ASIC2: variants seen among roughly 807,000 people sequenced by gnomAD.
ASIC2 encodes acid sensing ion channel subunit 2.
In ASIC2, 25 loss-of-function variants were observed where a neutral mutation model predicts 57.3. That is an observed-to-expected ratio of 0.44 (90% CI 0.32 to 0.61). The LOEUF (loss-of-function observed/expected upper bound fraction) is 0.61. ASIC2 is among the 20% of genes least tolerant of loss of function. The pLI, the probability that ASIC2 is intolerant of heterozygous loss-of-function variation, is 0.06. For synonymous variants in ASIC2, 319 were observed against 307.5 expected (o/e 1.04, Z -0.39); for missense variants, 641 against 738.1 (o/e 0.87, Z 1.52).
intron 1 of ASIC2, among the ~76,000 whole-genome samples, chr17:33,512,682 C>A (rs898825983): frequency 1.3e-5 from 2 of 152,230 alleles, no homozygotes; most frequent in African/African-American, 4.8e-5. Context: ...CTGCTCCAGG[C>A]TGCCTTCAGT....
At chr17:34,066,347 C>A (rs1410554657) in intron 1 of ASIC2, among the ~76,000 whole-genome samples, 2 of 152,186 alleles carry the variant, frequency 1.3e-5, no homozygotes, top group African/African-American at 4.8e-5. Context: ...TTAGAACCAC[C>A]TGGGGAGTTC....
upstream of ASIC2, among the ~76,000 whole-genome samples, chr17:33,294,898 C>T (rs1905662539): frequency 6.6e-6 from 1 of 150,994 alleles, no homozygotes; most frequent in Non-Finnish European, 1.5e-5. Flanking sequence ...GCCTGCTGTA[C>T]TGGGGCCTCT....
chr17:33,725,391 C>T (rs1909514755), intron 1 of ASIC2, among the ~76,000 whole-genome samples: 1 of 152,140 alleles, frequency 6.6e-6, no homozygotes, highest in African/African-American at 2.4e-5. Flanking sequence ...GGGACTTAGT[C>T]CGAGTTGTCC....
At position 33,263,810 on chromosome 17, in the gene ASIC2, A is replaced by C. The variant is rs115878954; in HGVS notation, c.708+27598T>G. On this transcript the variant is annotated intron_variant, in intron 1 of 9. Coordinates refer to ENST00000225823, the MANE Select transcript of ASIC2 (RefSeq NM_183377.2). ...ATTCTGCTTACAAGAAGAATTCCTA[A>C]AGCATGGTGCCCGGTTCCTCTCCAT... Among the ~76,000 whole-genome samples, 565 of 152,322 alleles carry C rather than the reference A, an allele frequency of 3.7e-3. 3 individuals are homozygous for C. Among genetic ancestry groups the C allele is most frequent in the African/African-American group, 0.013 (540 of 41,578 alleles).
chr17:33,949,983 T>A (rs1414360660), intron 1 of ASIC2, among the ~76,000 whole-genome samples: 1 of 152,228 alleles, frequency 6.6e-6, no homozygotes, highest in African/African-American at 2.4e-5. Context: ...CAGATCCTGA[T>A]CCTTGGTAGG....
In ASIC2 at chr17:33,387,453, G is replaced by A. The variant is rs141287035; in HGVS notation, c.556-275386C>T. ...GTTAGTCCTGTACCAACAGAGAAAT[G>A]GTTAGGACCTTTATCATTTTTCTCT... On this transcript the variant is annotated intron_variant, in intron 1 of 9. Coordinates refer to the ASIC2 transcript ENST00000359872. Among the ~76,000 whole-genome samples the A allele has an allele frequency of 4.8e-4, 73 of 152,316 alleles. No homozygotes were observed. In the East Asian group the frequency reaches 0.013, roughly 27 times the overall value.
chr17:33,337,302 C>A (rs959090927), intron 1 of ASIC2, among the ~76,000 whole-genome samples: 2 of 152,202 alleles, frequency 1.3e-5, no homozygotes, highest in Non-Finnish European at 2.9e-5. Flanking sequence ...CCTGCCTGAG[C>A]CACTTTATAT....
In ASIC2 at chr17:33,013,814, C is replaced by T. The variant is rs183775673; in HGVS notation, c.*151G>A. ...TGCGTCGTGTTGGACGTGGCCGGAG[C>T]GAGGTCTAGGCAGCTAGTCTGCAAT... On this transcript the variant is annotated 3_prime_UTR_variant, in exon 10 of 10. Coordinates refer to ENST00000225823, the MANE Select transcript of ASIC2 (RefSeq NM_183377.2). 1,965 of 688,350 alleles carry T rather than the reference C, an allele frequency of 2.9e-3. 14 individuals carry two copies. The highest frequency in any genetic ancestry group is 2.4e-3 in the Middle Eastern group (6 of 2,506). The allele number at this position is 688,350 out of a possible 1,614,324, so 42.6% of individuals were successfully genotyped here.
At chr17:33,209,574 C>T (rs1907196142) in intron 1 of ASIC2, among the ~76,000 whole-genome samples, 1 of 152,216 alleles carries the variant, frequency 6.6e-6, no homozygotes. Context: ...AAAAATGTCT[C>T]CAGGCACTGC....
intron 1 of ASIC2, among the ~76,000 whole-genome samples, chr17:33,556,146 G>A (rs1915900314): frequency 6.6e-6 from 1 of 152,212 alleles, no homozygotes; most frequent in Admixed American, 6.5e-5. Flanking sequence ...GTAAAGGTCA[G>A]AGCCAGAGAT....
chr17:33,439,354 C>T (rs985142083), intron 1 of ASIC2, among the ~76,000 whole-genome samples: 27 of 151,872 alleles, frequency 1.8e-4, no homozygotes, highest in African/African-American at 3.1e-4. Flanking sequence ...TCATTTTGGA[C>T]GGGGGGAGGA....
intron 1 of ASIC2, among the ~76,000 whole-genome samples, chr17:33,516,605 A>G (rs1914579817): frequency 6.6e-6 from 1 of 152,190 alleles, no homozygotes; most frequent in Non-Finnish European, 1.5e-5. Flanking sequence ...AGTGCTATTA[A>G]CACTTCCAGG....
chr17:33,376,968 G>A (rs1257218085), intron 1 of ASIC2, among the ~76,000 whole-genome samples: 1 of 152,210 alleles, frequency 6.6e-6, no homozygotes, highest in Non-Finnish European at 1.5e-5. Flanking sequence ...GGATCAAAGA[G>A]GCTAAGTAAT....
At chr17:33,541,599 C>T (rs187165949) in intron 1 of ASIC2, among the ~76,000 whole-genome samples, 130 of 152,256 alleles carry the variant, frequency 8.5e-4, no homozygotes, top group African/African-American at 3.1e-3. Context: ...AAAGCACATC[C>T]TATCTGCAGT....
At chr17:33,969,908 T>C (rs567522428) in intron 1 of ASIC2, among the ~76,000 whole-genome samples, 4 of 152,198 alleles carry the variant, frequency 2.6e-5, no homozygotes, top group African/African-American at 9.6e-5. Flanking sequence ...TATGTAACTT[T>C]CCACTCTGGG....
intron 1 of ASIC2, among the ~76,000 whole-genome samples, chr17:33,917,516 C>G (rs1160584066): frequency 1.3e-5 from 2 of 152,180 alleles, no homozygotes; most frequent in Non-Finnish European, 2.9e-5. Context: ...CATACCCATT[C>G]TCTTCCCCTT....
At chr17:33,821,385 C>A (rs1912741863) in intron 1 of ASIC2, among the ~76,000 whole-genome samples, 1 of 152,160 alleles carries the variant, frequency 6.6e-6, no homozygotes, top group Non-Finnish European at 1.5e-5. Flanking sequence ...ATGTGGAGAG[C>A]TAATCTTTGT....
intron 1 of ASIC2, among the ~76,000 whole-genome samples, chr17:34,084,163 G>A (rs1301080458): frequency 3.3e-5 from 5 of 151,644 alleles, no homozygotes; most frequent in Admixed American, 6.6e-5. Context: ...TAGGTCTAAC[G>A]TTTAAGTCTT....
At chr17:33,479,617 A>C (rs1461520517) in intron 1 of ASIC2, among the ~76,000 whole-genome samples, 1 of 152,182 alleles carries the variant, frequency 6.6e-6, no homozygotes, top group African/African-American at 2.4e-5. Context: ...GGTGCTTCCC[A>C]GGGCCAAATA....
Sources: allele counts gnomAD v4.1 joint callset (sites outside exome capture counted in the v4.1 genomes callset), GRCh38; gene constraint gnomAD v4.1.1; transcripts MANE v1.5; gene names NCBI Gene and HGNC (gene_info 2026-07-23, HGNC 2026-07-21).